ARHGAP42: variants seen among roughly 807,000 people sequenced by gnomAD.
ARHGAP42 encodes rho GTPase-activating protein 42.
Under a neutral mutation model 125.0 loss-of-function variants are expected in ARHGAP42, and 63 were observed. The observed-to-expected ratio is 0.50, with a 90% CI of 0.41 to 0.62. The LOEUF is 0.62. Ranked by LOEUF, ARHGAP42 falls within the 20% of genes least tolerant of loss-of-function variation. The pLI is 0.00. For synonymous variants in ARHGAP42, 339 were observed against 351.0 expected, an observed-to-expected ratio of 0.97 and a Z score of 0.38; for missense variants, 766 against 1,024.2, an observed-to-expected ratio of 0.75 and a Z score of 3.44.
chr11:100,798,976 C>T (rs1201957687), intron 3 of ARHGAP42, among the ~76,000 whole-genome samples: 1 of 152,130 alleles, frequency 6.6e-6, no homozygotes, highest in Admixed American at 6.5e-5. Flanking sequence ...TGGACAGAGG[C>T]CCCAAAGTGG....
chr11:100,992,985 C>T lies in ARHGAP42; in HGVS notation c.*4184C>T, dbSNP rs939764689. 5 of 332,302 alleles carry T rather than the reference C, an allele frequency of 1.5e-5. No individual in the cohort carries two copies. Among genetic ancestry groups the T allele is most frequent in the Non-Finnish European group, 2.9e-5 (5 of 174,052 alleles). 20.6% of individuals were successfully genotyped at this position (332,302 alleles called of 1,614,324 possible). On this transcript the variant is annotated 3_prime_UTR_variant, in exon 24 of 24. Coordinates refer to ENST00000298815, the MANE Select transcript of ARHGAP42 (RefSeq NM_152432.4). The stretch of plus-strand genomic sequence containing the variant: ...TGGAGAAATGGAGTCTGTGTGCTTA[C>T]TGAAGAGTCCCAAAAACCAGAGACC...
At chr11:100,816,796 C>A (rs1017685634) in intron 3 of ARHGAP42, 1 of 152,236 alleles carries the variant, frequency 6.6e-6, no homozygotes. Flanking sequence ...CCATGGCAAA[C>A]TTCTTGGTGT....
intron 4 of ARHGAP42, among the ~76,000 whole-genome samples, chr11:100,884,508 A>G (rs767339471): frequency 2.6e-5 from 4 of 152,212 alleles, no homozygotes; most frequent in Non-Finnish European, 5.9e-5. Context: ...AAAAGACATC[A>G]AAAGGACTCA....
rs557904509 is a variant in ARHGAP42 at position 100,876,856 on chromosome 11, A to G, written c.384+17231A>G. Reference sequence around the variant, plus strand: ...AGTTGATTTTACGTCTTTCTCTTCTATATACAGCCAGTAATAATCTGAAGC... The same window carrying G: ...AGTTGATTTTACGTCTTTCTCTTCTGTATACAGCCAGTAATAATCTGAAGC... On this transcript the variant is annotated intron_variant, in intron 4 of 23. Coordinates refer to ENST00000298815, the MANE Select transcript of ARHGAP42 (RefSeq NM_152432.4). 3.9e-5 allele frequency among the ~76,000 whole-genome samples: 6 copies of G among 152,290 alleles called. No individual in the cohort carries two copies. In the South Asian group the frequency reaches 6.2e-4, roughly 16 times the overall value.
intron 3 of ARHGAP42, among the ~76,000 whole-genome samples, chr11:100,832,722 C>T (rs1357350902): frequency 6.6e-6 from 1 of 152,196 alleles, no homozygotes; most frequent in Non-Finnish European, 1.5e-5. Context: ...CCTCTCCCTC[C>T]TAAGTTACTG....
intron 4 of ARHGAP42, among the ~76,000 whole-genome samples, chr11:100,867,778 C>CCTCACTAAG (rs1865605941): frequency 6.6e-6 from 1 of 152,186 alleles, no homozygotes. Flanking sequence ...TTTCAACATA[C>CCTCACTAAG]CTTCCTCACT....
intron 1 of ARHGAP42, among the ~76,000 whole-genome samples, chr11:100,748,891 G>T (rs1591148185): frequency 6.6e-6 from 1 of 152,094 alleles, no homozygotes; most frequent in East Asian, 1.9e-4. Context: ...AAAAGAATAG[G>T]GTACACTGTT....
chr11:100,928,673 A>G (rs1473530781), intron 6 of ARHGAP42, among the ~76,000 whole-genome samples: 6 of 152,210 alleles, frequency 3.9e-5, no homozygotes, highest in Non-Finnish European at 8.8e-5. Flanking sequence ...GAACTTTAGT[A>G]TATTCACAGA....
intron 3 of ARHGAP42, among the ~76,000 whole-genome samples, chr11:100,795,684 T>G (rs1231148010): frequency 2.0e-5 from 3 of 152,238 alleles, no homozygotes; most frequent in African/African-American, 7.2e-5. Flanking sequence ...AGAGCATAGT[T>G]ATTGGTGAAA....
chr11:100,865,631 C>A (rs985649958), intron 4 of ARHGAP42, among the ~76,000 whole-genome samples: 2 of 152,098 alleles, frequency 1.3e-5, no homozygotes, highest in African/African-American at 2.4e-5. Flanking sequence ...AAACAAATAT[C>A]CCAATGAGTC....
At chr11:100,893,895 TA>T (rs2135196352) in intron 4 of ARHGAP42, among the ~76,000 whole-genome samples, 1 of 152,270 alleles carries the variant, frequency 6.6e-6, no homozygotes, top group African/African-American at 2.4e-5. Context: ...ATTTAGCTTT[TA>T]AGTCTCAAAA....
At chr11:100,897,091 T>C (rs1866383489) in intron 4 of ARHGAP42, among the ~76,000 whole-genome samples, 1 of 152,234 alleles carries the variant, frequency 6.6e-6, no homozygotes, top group South Asian at 2.1e-4. Context: ...ATTTGTTAAA[T>C]AGGGAATCCT....
intron 1 of ARHGAP42, among the ~76,000 whole-genome samples, chr11:100,759,759 A>G (rs1009677786): frequency 2.0e-5 from 3 of 152,188 alleles, no homozygotes; most frequent in Non-Finnish European, 4.4e-5. Flanking sequence ...ATCAGGTACA[A>G]GCTAATTCAT....
chr11:100,776,172 A>AC (rs397720588), intron 2 of ARHGAP42, among the ~76,000 whole-genome samples: 7 of 130,150 alleles, frequency 5.4e-5, no homozygotes, highest in African/African-American at 1.0e-4. Context: ...AAAAAAAAAA[A>AC]GTTAGATATT....
intron 4 of ARHGAP42, among the ~76,000 whole-genome samples, chr11:100,903,752 A>ATG (rs1555021292): frequency 2.4e-5 from 3 of 125,650 alleles, no homozygotes; most frequent in African/African-American, 3.1e-5. Flanking sequence ...ATATATATAT[A>ATG]TATGTATGTA....
At chr11:100,693,038 G>C (rs929722424) in intron 1 of ARHGAP42, among the ~76,000 whole-genome samples, 1 of 152,132 alleles carries the variant, frequency 6.6e-6, no homozygotes, top group African/African-American at 2.4e-5. Flanking sequence ...GGGGGAAAAA[G>C]GCAAGTTTAC....
At chr11:100,725,921 T>C (rs11224413) in intron 1 of ARHGAP42, among the ~76,000 whole-genome samples, 79,011 of 138,182 alleles carry the variant, frequency 0.57, 22,610 homozygotes, top group African/African-American at 0.69. Context: ...GGGGACAGAG[T>C]GAGACTCCGT....
chr11:100,935,553 G>T (rs1304511620), intron 7 of ARHGAP42, among the ~76,000 whole-genome samples: 1 of 151,620 alleles, frequency 6.6e-6, no homozygotes, highest in African/African-American at 2.4e-5. Context: ...TTTACCTTAG[G>T]TATTTAGGGA....
chr11:100,976,126 C>G lies in ARHGAP42; in HGVS notation c.1925C>G (p.Ser642Cys). The change falls in exon 20 of 24, where the codon TCT (serine) becomes TGT (cysteine). Residue 642 changes from serine (S) to cysteine (C), a missense_variant. This residue lies in a region of ARHGAP42 where 308 missense variants were observed against 369.7 expected (regional missense o/e 0.83). Transcript: ENST00000298815. ...GSIESLSSHS[S>C]EQNSTTKSAS... ...ATTGAGTCACTCTCTTCTCATTCCT[C>G]TGAACAAAATAGCACTACAAAGTCA... 6.4e-7 allele frequency: 1 copy of G among 1,551,374 alleles called. No individual in the cohort carries two copies. The highest frequency in any genetic ancestry group is 8.7e-7 in the Non-Finnish European group (1 of 1,146,724).
Sources: allele counts gnomAD v4.1 joint callset (sites outside exome capture counted in the v4.1 genomes callset), GRCh38; gene constraint gnomAD v4.1.1; regional missense constraint gnomAD v4.1.1; transcripts MANE v1.5; gene names NCBI Gene and HGNC (gene_info 2026-07-23, HGNC 2026-07-21).